The following SORT1 variants were observed in gnomAD, a reference collection of about 807,000 sequenced individuals.
SORT1 encodes sortilin 1.
SORT1 carries 39 observed loss-of-function variants against 101.7 expected under a neutral mutation model. The observed-to-expected ratio is 0.38, with a 90% CI of 0.30 to 0.50. The LOEUF is 0.50. SORT1 is among the 20% of genes least tolerant of loss of function. The pLI is 0.90. For synonymous variants in SORT1, 396 were observed against 393.7 expected (o/e 1.01, Z -0.07); for missense variants, 878 against 1,040.4 (o/e 0.84, Z 2.15).
At chr1:109,356,241 G>A (rs369584255) in intron 3 of SORT1, among the ~76,000 whole-genome samples, 41 of 152,262 alleles carry the variant, frequency 2.7e-4, no homozygotes, top group Admixed American at 1.3e-3. Flanking sequence ...AGTGGCCAGC[G>A]ATGTTGCCAA....
intron 11 of SORT1, among the ~76,000 whole-genome samples, chr1:109,332,004 C>G (rs987212666): frequency 2.4e-4 from 32 of 131,944 alleles, no homozygotes; most frequent in African/African-American, 8.5e-4. Flanking sequence ...AGACTAAAAA[C>G]TACAAAACAT....
chr1:109,388,407 T>C (rs1652712109), intron 1 of SORT1, among the ~76,000 whole-genome samples: 1 of 150,044 alleles, frequency 6.7e-6, no homozygotes, highest in Non-Finnish European at 1.5e-5. Context: ...CCAGGCTAAT[T>C]AAAAAAATTT....
intron 14 of SORT1, among the ~76,000 whole-genome samples, chr1:109,323,958 A>C (rs1647811835): frequency 6.6e-6 from 1 of 152,176 alleles, no homozygotes; most frequent in Non-Finnish European, 1.5e-5. Flanking sequence ...GTGAGGTCCA[A>C]ACCAAGGGTC....
At chr1:109,339,946 C>T (rs112847776) in intron 10 of SORT1, among the ~76,000 whole-genome samples, 2 of 151,980 alleles carry the variant, frequency 1.3e-5, no homozygotes, top group Non-Finnish European at 2.9e-5. Flanking sequence ...GTCAGGAGCT[C>T]GAGACCAACC....
chr1:109,318,192 C>A (rs1177570187), intron 15 of SORT1, among the ~76,000 whole-genome samples: 1 of 149,906 alleles, frequency 6.7e-6, no homozygotes, highest in Non-Finnish European at 1.5e-5. Context: ...CCCACTCTCT[C>A]GCCTAGGCTG....
chr1:109,372,153 A>G (rs1651517239), intron 1 of SORT1, among the ~76,000 whole-genome samples: 1 of 152,224 alleles, frequency 6.6e-6, no homozygotes, highest in Admixed American at 6.5e-5. Context: ...AGGAGACAGA[A>G]TTCACAAGTC....
At chr1:109,344,179 C>T (rs943121301) in intron 8 of SORT1, among the ~76,000 whole-genome samples, 2 of 152,180 alleles carry the variant, frequency 1.3e-5, no homozygotes, top group Non-Finnish European at 2.9e-5. Context: ...CTGCCAAGAG[C>T]CTGGCCAAGC....
Position 109,311,418 on chromosome 1 carries a change from C to G in SORT1, c.*2625G>C, listed in dbSNP as rs1416534265. On this transcript the variant is annotated 3_prime_UTR_variant, in exon 20 of 20. Coordinates refer to ENST00000256637, the MANE Select transcript of SORT1 (RefSeq NM_002959.7). ...AAATCTATTTTTTTAGAAGCTGTAA[C>G]AGATTTGGGCTTTCTTACTCTCTGG... 1 of 152,222 alleles carries G rather than the reference C, an allele frequency of 6.6e-6. No individual in the cohort carries two copies. The highest frequency in any genetic ancestry group is 6.5e-5 in the Admixed American group (1 of 15,286). The allele number at this position is 152,222 out of a possible 1,614,324, so 9.4% of individuals were successfully genotyped here. A position where few individuals can be genotyped will look rare whatever the true frequency, so the allele number is the denominator to read the frequency against.
In SORT1 at chr1:109,390,771, ATGTGTG is replaced by A. The variant is rs376882706; in HGVS notation, c.306+6810_306+6815del. 2.7e-5 allele frequency among the ~76,000 whole-genome samples: 4 copies of A among 145,714 alleles called. No individual in the cohort carries two copies. In the South Asian group the frequency reaches 6.6e-4, roughly 24 times the overall value. On this transcript the variant is annotated intron_variant, in intron 1 of 19. Coordinates refer to ENST00000256637, the MANE Select transcript of SORT1 (RefSeq NM_002959.7). ...TTAGAAAGTGTGTGTGTGTGTGTGT[ATGTGTG>A]TGTGTGTGTGTGTGTGTGTGTGCGC...
chr1:109,392,792 A>G, intron 1 of SORT1: 1 of 984,490 alleles, frequency 1.0e-6, no homozygotes, highest in Non-Finnish European at 1.2e-6. Flanking sequence ...CTGACTATAC[A>G]TTGCATGAGA....
At chr1:109,378,716 AT>A (rs1557822519) in intron 1 of SORT1, among the ~76,000 whole-genome samples, 1 of 18,420 alleles carries the variant, frequency 5.4e-5, no homozygotes, top group African/African-American at 1.6e-4. Context: ...ATATATATAT[AT>A]ATATATATAT....
chr1:109,314,325 C>T lies in SORT1; in HGVS notation c.2417G>A (p.Gly806Asp). ...QQHAEANGVD[G>D]VDALDTASHT... Reference sequence around the variant, plus strand: ...GGAGGCTGTGTCCAAAGCATCCACACCATCCACACCATTGGCCTCTGCATG... The same window carrying T: ...GGAGGCTGTGTCCAAAGCATCCACATCATCCACACCATTGGCCTCTGCATG... Residue 806 changes from glycine (G) to aspartate (D), a missense_variant, in exon 19 of 20, where the codon GGT (glycine) becomes GAT (aspartate). Around this residue, in one of 2 missense-constraint regions of SORT1, gnomAD observed 684 missense variants for 894.5 expected, o/e 0.76. Coordinates refer to ENST00000256637, the MANE Select transcript of SORT1 (RefSeq NM_002959.7). 1 of 1,613,948 alleles carries T rather than the reference C, an allele frequency of 6.2e-7. No individual in the cohort carries two copies.
At chr1:109,391,829 C>T (rs560789671) in intron 1 of SORT1, among the ~76,000 whole-genome samples, 1 of 152,308 alleles carries the variant, frequency 6.6e-6, no homozygotes. Context: ...CACCTGCATA[C>T]AAATCACTGA....
intron 1 of SORT1, among the ~76,000 whole-genome samples, chr1:109,383,240 T>A (rs1652371002): frequency 6.6e-6 from 1 of 152,172 alleles, no homozygotes; most frequent in Non-Finnish European, 1.5e-5. Context: ...CCTGACCCCA[T>A]CAGGAGCAGC....
chr1:109,385,294 G>C (rs1441369356), intron 1 of SORT1, among the ~76,000 whole-genome samples: 2 of 152,080 alleles, frequency 1.3e-5, no homozygotes, highest in Non-Finnish European at 2.9e-5. Flanking sequence ...AGCAGTCCTG[G>C]TATAGCATAA....
rs111397427 is a variant in SORT1 at position 109,314,480 on chromosome 1, G to A, written c.2358-96C>T. ...TTCTCAGTTTTATACACTCAGGAAC[G>A]CATCACAGACACAGAAAGCACAGTC... is the stretch of plus-strand genomic sequence containing the variant. On this transcript the variant is annotated intron_variant, in intron 18 of 19. Transcript: ENST00000256637. 9.2e-5 allele frequency: 131 copies of A among 1,418,090 alleles called. No homozygotes were observed. In the African/African-American group the frequency reaches 1.4e-3, roughly 16 times the overall value. The allele number at this position is 1,418,090 out of a possible 1,614,324, so 87.8% of individuals were successfully genotyped here.
chr1:109,355,286 T>C (rs1171265038), intron 4 of SORT1, 81 bp downstream of exon 4: 3 of 778,290 alleles, frequency 3.9e-6, no homozygotes, highest in Non-Finnish European at 4.7e-6. Flanking sequence ...TGTGAATCAC[T>C]GGACCATGCC....
rs533623886 is a variant in SORT1 at position 109,375,688 on chromosome 1, T to C, written c.307-6099A>G. The stretch of plus-strand genomic sequence containing the variant: ...AGCACATCATATCATAGTCAAATAA[T>C]CTAAAATCAGCAATAGAGAAAAATC... On this transcript the variant is annotated intron_variant, in intron 1 of 19. Coordinates refer to ENST00000256637, the MANE Select transcript of SORT1 (RefSeq NM_002959.7). Among the ~76,000 whole-genome samples, 457 of 151,442 alleles carry C rather than the reference T, an allele frequency of 3.0e-3. 5 individuals carry two copies. The highest frequency in any genetic ancestry group is 0.019 in the South Asian group (91 of 4,806).
intron 7 of SORT1, among the ~76,000 whole-genome samples, chr1:109,347,180 C>T (rs1649662211): frequency 6.6e-6 from 1 of 152,232 alleles, no homozygotes; most frequent in Non-Finnish European, 1.5e-5. Context: ...ACAACCCTTG[C>T]TTTCCTGTAG....
Sources: gnomAD v4.1 joint callset for allele counts (sites outside exome capture counted in the v4.1 genomes callset) on GRCh38, gnomAD v4.1.1 for gene constraint, gnomAD v4.1.1 regional missense constraint, MANE v1.5 for transcripts, NCBI Gene and HGNC (gene_info 2026-07-23, HGNC 2026-07-21) for gene names.